The following PFKFB2 variants were observed in gnomAD, a reference collection of about 807,000 sequenced individuals.
PFKFB2 encodes the protein 6-phosphofructo-2-kinase/fructose-2,6-biphosphatase 2.
A neutral mutation model predicts 68.0 loss-of-function variants in PFKFB2; 53 were observed. That is an observed-to-expected ratio of 0.78 (90% CI 0.63 to 0.98). The LOEUF (loss-of-function observed/expected upper bound fraction) is 0.98. Among genes scored for constraint, PFKFB2 ranks in the 50% least tolerant of loss-of-function variants. The pLI, the probability that PFKFB2 is intolerant of heterozygous loss-of-function variation, is 0.00. For synonymous variants in PFKFB2, 222 were observed against 227.6 expected (o/e 0.98, Z 0.22); for missense variants, 451 against 642.0 (o/e 0.70, Z 3.22).
At position 207,074,458 on chromosome 1, in the gene PFKFB2, C is replaced by G; in HGVS notation, c.*2087C>G. ...AGAGAGCAGCTGGGGATTTTAAGCA[C>G]CCTGGAGAGAGGTGCAGACCCTGCC... On this transcript the variant is annotated 3_prime_UTR_variant, in exon 15 of 15. Coordinates refer to ENST00000367080, the MANE Select transcript of PFKFB2 (RefSeq NM_006212.2). The G allele has an allele frequency of 1.0e-6, 1 of 985,380 alleles. No individual in the cohort carries two copies. Among genetic ancestry groups the G allele is most frequent in the Non-Finnish European group, 1.2e-6 (1 of 829,924 alleles). The allele number at this position is 985,380 out of a possible 1,614,324, so 61.0% of individuals were successfully genotyped here.
rs377282709 is a variant in PFKFB2 at position 207,069,409 on chromosome 1, A to T, written c.988-15A>T. On this transcript the variant is annotated splice_polypyrimidine_tract_variant and intron_variant, in intron 10 of 14. Coordinates refer to ENST00000367080, the MANE Select transcript of PFKFB2 (RefSeq NM_006212.2). ...AGTCTATCTCTTCAAGCCAGCTTCA[A>T]GTGGCTTTTTGCAGGGTGTGTGTGA... 1 of 1,588,610 alleles carries T rather than the reference A, an allele frequency of 6.3e-7. No individual in the cohort carries two copies. The highest frequency in any genetic ancestry group is 8.6e-7 in the Non-Finnish European group (1 of 1,156,860).
chr1:207,075,817 C>G lies in PFKFB2; in HGVS notation c.*3446C>G. On this transcript the variant is annotated 3_prime_UTR_variant, in exon 15 of 15. Transcript: ENST00000367080. Reference sequence around the variant, plus strand: ...TTATTCTGTTTTCTTATTCTTGCTTCAAGACTATGACAGATTTGAAAGAGA... The same window carrying G: ...TTATTCTGTTTTCTTATTCTTGCTTGAAGACTATGACAGATTTGAAAGAGA... 1 of 984,610 alleles carries G rather than the reference C, an allele frequency of 1.0e-6. No homozygotes were observed. Among genetic ancestry groups the G allele is most frequent in the Non-Finnish European group, 1.2e-6 (1 of 829,146 alleles). The allele number at this position is 984,610 out of a possible 1,614,324, so 61.0% of individuals were successfully genotyped here.
chr1:207,052,193 T>C (rs1020403683), upstream of PFKFB2: 5 of 1,612,780 alleles, frequency 3.1e-6, no homozygotes, highest in Admixed American at 6.7e-5. Flanking sequence ...ACCTCCACTG[T>C]AAAAGACTTT....
At chr1:207,064,635 A>G (rs1020893149) in intron 7 of PFKFB2, among the ~76,000 whole-genome samples, 2 of 152,186 alleles carry the variant, frequency 1.3e-5, no homozygotes, top group African/African-American at 2.4e-5. Context: ...CAGCCGTAGG[A>G]ACTTGGGATC....
downstream of PFKFB2, chr1:207,079,207 T>C: frequency 1.6e-6 from 1 of 607,062 alleles, no homozygotes. Flanking sequence ...TCAGTTACAC[T>C]GAAAAATTTA....
At chr1:207,034,816 T>C (rs1465961372) in intron 1 of PFKFB2, 3 of 152,214 alleles carry the variant, frequency 2.0e-5, no homozygotes, top group African/African-American at 7.2e-5. Flanking sequence ...GAGCCTCCCC[T>C]CCCTGCAAAC....
intron 2 of PFKFB2, among the ~76,000 whole-genome samples, chr1:207,059,551 T>C (rs911831926): frequency 6.6e-6 from 1 of 152,174 alleles, no homozygotes; most frequent in African/African-American, 2.4e-5. Flanking sequence ...GCTCCCTATT[T>C]GAACACAGAT....
chr1:207,075,028 GTCTTT>G lies in PFKFB2; in HGVS notation c.*2662_*2666del, dbSNP rs1022903338. 1.0e-5 allele frequency: 10 copies of G among 985,492 alleles called. No individual in the cohort carries two copies. In the African/African-American group the frequency reaches 1.7e-4, roughly 17 times the overall value. 61.0% of individuals were successfully genotyped at this position (985,492 alleles called of 1,614,324 possible). ...CATCTGTAGCCCAAATGGGCATTCA[GTCTTT>G]TCTTCTGCTGTGAGGTAAGAGTAAT... On this transcript the variant is annotated 3_prime_UTR_variant, in exon 15 of 15. Transcript: ENST00000367080.
rs1683592650 is a variant in PFKFB2 at position 207,075,397 on chromosome 1, G to A, written c.*3026G>A. On this transcript the variant is annotated 3_prime_UTR_variant, in exon 15 of 15. Coordinates refer to ENST00000367080, the MANE Select transcript of PFKFB2 (RefSeq NM_006212.2). ...CTTCAGAGAAGTCTAGCAGGAAGAA[G>A]CCAGGAGAATGTAGAATGGAAAAGA... is the stretch of plus-strand genomic sequence containing the variant. The A allele has an allele frequency of 1.0e-6, 1 of 985,470 alleles. No individual in the cohort carries two copies. Among genetic ancestry groups the A allele is most frequent in the Non-Finnish European group, 1.2e-6 (1 of 829,924 alleles). 61.0% of individuals were successfully genotyped at this position (985,470 alleles called of 1,614,324 possible).
Position 207,077,164 on chromosome 1 carries a change from C to T in PFKFB2, c.*4793C>T. 11 of 985,132 alleles carry T rather than the reference C, an allele frequency of 1.1e-5. No individual in the cohort carries two copies. The highest frequency in any genetic ancestry group is 1.3e-5 in the Non-Finnish European group (11 of 829,874). 61.0% of individuals were successfully genotyped at this position (985,132 alleles called of 1,614,324 possible). ...TCTCATCCAGTCCCCTGCTTTAGGGCAGGACTTCAGTTCCACTGTTCATTT... is the reference window on the plus strand; with the variant it reads ...TCTCATCCAGTCCCCTGCTTTAGGGTAGGACTTCAGTTCCACTGTTCATTT... On this transcript the variant is annotated 3_prime_UTR_variant, in exon 15 of 15. Coordinates refer to ENST00000367080, the MANE Select transcript of PFKFB2 (RefSeq NM_006212.2).
intron 3 of PFKFB2, 146 bp from the exon 4 acceptor site, chr1:207,062,474 A>C: frequency 1.6e-6 from 2 of 1,270,684 alleles, no homozygotes. Context: ...AACTCTTTTG[A>C]CTCTTAATCT....
chr1:207,052,397 C>G, upstream of PFKFB2: 1 of 592,938 alleles, frequency 1.7e-6, no homozygotes, highest in Non-Finnish European at 3.0e-6. Context: ...CGCAGTGGCT[C>G]ACACCTGTAA....
At position 207,063,749 on chromosome 1, in the gene PFKFB2, T is replaced by G. The variant is rs781330042; in HGVS notation, c.451-24T>G. 1.9e-6 allele frequency: 3 copies of G among 1,608,532 alleles called. No individual in the cohort carries two copies. Among genetic ancestry groups the G allele is most frequent in the Non-Finnish European group, 2.6e-6 (3 of 1,174,864 alleles). Reference sequence around the variant, plus strand: ...CAGCCTGGCATTTTTGACTTGCTTATCACTGCCTTCTCTCCATGGCCAGGT... The same window carrying G: ...CAGCCTGGCATTTTTGACTTGCTTAGCACTGCCTTCTCTCCATGGCCAGGT... On this transcript the variant is annotated intron_variant, in intron 6 of 14. Coordinates refer to ENST00000367080, the MANE Select transcript of PFKFB2 (RefSeq NM_006212.2). This position sits in a 1 kb window ranked among gnomAD's most constrained non-coding sequence, Gnocchi z 4.1.
chr1:207,067,109 G>A (rs994661565), intron 8 of PFKFB2, among the ~76,000 whole-genome samples: 1 of 152,120 alleles, frequency 6.6e-6, no homozygotes, highest in African/African-American at 2.4e-5. Flanking sequence ...CTCGTTGCTC[G>A]TCGTGCCATA....
chr1:207,043,610 T>C (rs1682521705), intron 2 of PFKFB2, among the ~76,000 whole-genome samples: 1 of 152,172 alleles, frequency 6.6e-6, no homozygotes, highest in Non-Finnish European at 1.5e-5. Context: ...AATATTGAAT[T>C]ACAACTTGTA....
chr1:207,062,832 A>C, intron 4 of PFKFB2, 116 bp downstream of exon 4: 1 of 1,044,968 alleles, frequency 9.6e-7, no homozygotes, highest in Non-Finnish European at 1.4e-6. Context: ...GTTAAATGGA[A>C]GTTATCTGAT....
chr1:207,040,344 C>G (rs1682453229), intron 1 of PFKFB2, among the ~76,000 whole-genome samples: 1 of 152,152 alleles, frequency 6.6e-6, no homozygotes, highest in African/African-American at 2.4e-5. Context: ...TCCAATACCT[C>G]AAGATTCACT....
upstream of PFKFB2, chr1:207,048,854 C>A (rs1232798080): frequency 4.5e-6 from 3 of 660,728 alleles, no homozygotes. Context: ...AACTTGCACA[C>A]TAATTTTAAT....
chr1:207,057,477 CAG>C (rs1491560709), intron 2 of PFKFB2, among the ~76,000 whole-genome samples: 10 of 144,768 alleles, frequency 6.9e-5, no homozygotes. Context: ...GACTCCATCT[CAG>C]GGGGAAAAAA....
Sources: allele counts gnomAD v4.1 joint callset (sites outside exome capture counted in the v4.1 genomes callset), GRCh38; gene constraint gnomAD v4.1.1; non-coding constraint Gnocchi (gnomAD v3.1); transcripts MANE v1.5; gene names NCBI Gene and HGNC (gene_info 2026-07-23, HGNC 2026-07-21).